CNTN4: variants seen among roughly 807,000 people sequenced by gnomAD.
CNTN4 encodes contactin-4.
A neutral mutation model predicts 122.5 loss-of-function variants in CNTN4; 77 were observed. The observed-to-expected ratio is 0.63, with a 90% CI of 0.52 to 0.76. The LOEUF (loss-of-function observed/expected upper bound fraction) is 0.76. CNTN4 is among the 30% of genes least tolerant of loss of function. CNTN4 has a pLI of 0.00. For missense variants in CNTN4, 1,256 were observed against 1,259.1 expected, an observed-to-expected ratio of 1.00 and a Z score of 0.04; for synonymous variants, 512 against 447.0, an observed-to-expected ratio of 1.15 and a Z score of -1.83.
chr3:2,206,562 G>A (rs113857985), intron 2 of CNTN4, among the ~76,000 whole-genome samples: 3,233 of 152,138 alleles, frequency 0.021, 40 homozygotes, highest in Middle Eastern at 0.051. Context: ...ATTTGCACTT[G>A]ATTCTAAGAC....
rs1321140597 is a variant in CNTN4 at position 2,329,458 on chromosome 3, A to G, written c.-144-9720A>G. Reference sequence around the variant, plus strand: ...GGATAAACGCTCAACGAAGAAAGCCAGGTCATGCTTTACACCTTACATTTT... The same window carrying G: ...GGATAAACGCTCAACGAAGAAAGCCGGGTCATGCTTTACACCTTACATTTT... On this transcript the variant is annotated intron_variant, in intron 2 of 24. Coordinates refer to ENST00000418658, the MANE Select transcript of CNTN4 (RefSeq NM_175607.3). 3.9e-5 allele frequency among the ~76,000 whole-genome samples: 6 copies of G among 152,248 alleles called. No individual in the cohort carries two copies. The South Asian group carries it at 1.0e-3, about 26-fold the overall frequency.
chr3:2,178,745 G>A (rs74440665), intron 2 of CNTN4, among the ~76,000 whole-genome samples: 3 of 151,874 alleles, frequency 2.0e-5, no homozygotes, highest in African/African-American at 7.2e-5. Flanking sequence ...TCTTTTTTGG[G>A]GGGTAGGTAT....
At chr3:2,527,418 CTGCTGCTGCTGCTGCTGT>C (rs1197196412) in intron 3 of CNTN4, among the ~76,000 whole-genome samples, 1 of 152,226 alleles carries the variant, frequency 6.6e-6, no homozygotes, top group Non-Finnish European at 1.5e-5. Flanking sequence ...TATGCTGCTG[CTGCTGCTGCTGCTGCTGT>C]TGCTGTTATT....
intron 4 of CNTN4, among the ~76,000 whole-genome samples, chr3:2,674,063 C>T (rs575874043): frequency 1.3e-5 from 2 of 152,252 alleles, no homozygotes; most frequent in African/African-American, 4.8e-5. Context: ...TGAATGTAGC[C>T]ACGTAAGTGA....
chr3:2,108,278 A>G (rs2032628083), intron 2 of CNTN4, among the ~76,000 whole-genome samples: 1 of 150,350 alleles, frequency 6.7e-6, no homozygotes, highest in South Asian at 2.1e-4. Context: ...CTCAAGTATC[A>G]CTAAGTTAAG....
intron 3 of CNTN4, among the ~76,000 whole-genome samples, chr3:2,430,684 G>A (rs999043222): frequency 2.0e-5 from 3 of 149,514 alleles, no homozygotes; most frequent in Non-Finnish European, 4.4e-5. Context: ...ATTATATTTA[G>A]CAATGATTTA....
At chr3:2,777,369 G>A (rs1025920384) in intron 6 of CNTN4, among the ~76,000 whole-genome samples, 31 of 152,298 alleles carry the variant, frequency 2.0e-4, no homozygotes, top group African/African-American at 6.7e-4. Context: ...CCCATCTACG[G>A]CTCTCCAACT....
intron 3 of CNTN4, among the ~76,000 whole-genome samples, chr3:2,427,619 G>A (rs899426401): frequency 6.6e-6 from 1 of 152,074 alleles, no homozygotes; most frequent in African/African-American, 2.4e-5. Context: ...TCAATTCCTG[G>A]ATATCCTTGT....
chr3:2,309,299 C>T (rs1385723815), intron 2 of CNTN4, among the ~76,000 whole-genome samples: 2 of 151,986 alleles, frequency 1.3e-5, no homozygotes, highest in Non-Finnish European at 2.9e-5. Flanking sequence ...TTACTGTTTG[C>T]ATATGTCCTT....
intron 20 of CNTN4, among the ~76,000 whole-genome samples, chr3:3,040,836 A>C (rs1700096740): frequency 6.6e-6 from 1 of 152,082 alleles, no homozygotes. Context: ...CTGAGACAGG[A>C]GAATCACTTG....
intron 3 of CNTN4, among the ~76,000 whole-genome samples, chr3:2,361,673 A>T (rs2045148652): frequency 6.6e-6 from 1 of 152,222 alleles, no homozygotes; most frequent in African/African-American, 2.4e-5. Flanking sequence ...CTATAAAAAA[A>T]TTTTACTTTT....
intron 6 of CNTN4, 57 bp downstream of exon 6, chr3:2,745,754 C>A: frequency 1.3e-6 from 2 of 1,487,276 alleles, no homozygotes; most frequent in Middle Eastern, 1.7e-4. Flanking sequence ...TACCATTATA[C>A]CAATAAGCTT....
chr3:2,932,364 C>T (rs935162465), intron 13 of CNTN4, among the ~76,000 whole-genome samples: 61 of 152,060 alleles, frequency 4.0e-4, no homozygotes, highest in Admixed American at 3.0e-3. Context: ...AGTGACAGAG[C>T]GAGACTCCGT....
chr3:2,910,640 T>C (rs1051461426), intron 12 of CNTN4, among the ~76,000 whole-genome samples: 2 of 152,218 alleles, frequency 1.3e-5, no homozygotes, highest in East Asian at 1.9e-4. Flanking sequence ...ATTGTAAATG[T>C]ATTTACTACT....
intron 7 of CNTN4, among the ~76,000 whole-genome samples, chr3:2,825,038 A>C (rs1021142604): frequency 1.3e-5 from 2 of 152,106 alleles, no homozygotes; most frequent in African/African-American, 4.8e-5. Context: ...TTCATAAAGG[A>C]AATGAAAAAC....
chr3:2,111,522 A>G lies in CNTN4; in HGVS notation c.-145+10883A>G, dbSNP rs369881901. Among the ~76,000 whole-genome samples the G allele has an allele frequency of 1.6e-3, 237 of 152,286 alleles. 10 individuals carry two copies. The South Asian group carries it at 0.048, about 31-fold the overall frequency. On this transcript the variant is annotated intron_variant, in intron 2 of 24. Transcript: ENST00000418658. ...AATCCCATGTTTTAGGTTGGTATTT[A>G]GTCTCCACAGCTGGAAAACACTATT...
chr3:2,245,211 A>C (rs1290240681), intron 2 of CNTN4, among the ~76,000 whole-genome samples: 1 of 151,896 alleles, frequency 6.6e-6, no homozygotes, highest in Non-Finnish European at 1.5e-5. Context: ...GGAGATACTT[A>C]GTAGAAGATA....
chr3:2,179,119 G>A (rs2036892932), intron 2 of CNTN4, among the ~76,000 whole-genome samples: 1 of 152,024 alleles, frequency 6.6e-6, no homozygotes, highest in Non-Finnish European at 1.5e-5. Context: ...TTAATTTGCA[G>A]TTCACCAGTA....
intron 4 of CNTN4, among the ~76,000 whole-genome samples, chr3:2,652,652 G>T (rs2083414431): frequency 6.6e-6 from 1 of 152,072 alleles, no homozygotes; most frequent in Non-Finnish European, 1.5e-5. Context: ...CCAGAGCACA[G>T]GGACTTGTCC....
Sources: gnomAD v4.1 joint callset for allele counts (sites outside exome capture counted in the v4.1 genomes callset) on GRCh38, gnomAD v4.1.1 for gene constraint, MANE v1.5 for transcripts, NCBI Gene and HGNC (gene_info 2026-07-23, HGNC 2026-07-21) for gene names.